The following CCBE1 variants were observed in gnomAD, a reference collection of about 807,000 sequenced individuals.
CCBE1 encodes the protein collagen and calcium-binding EGF domain-containing protein 1.
A neutral mutation model predicts 50.0 loss-of-function variants in CCBE1; 37 were observed. The ratio of observed to expected loss-of-function variants is 0.74; its 90% CI spans 0.57 to 0.97. The LOEUF (loss-of-function observed/expected upper bound fraction) is 0.97. Ranked by LOEUF, CCBE1 falls within the 50% of genes least tolerant of loss-of-function variation. CCBE1 has a pLI of 0.00. For synonymous variants in CCBE1, 234 were observed against 203.7 expected (o/e 1.15, Z -1.27); for missense variants, 538 against 523.8 (o/e 1.03, Z -0.26).
chr18:59,579,602 G>C (rs1049204510), intron 2 of CCBE1, among the ~76,000 whole-genome samples: 1 of 152,174 alleles, frequency 6.6e-6, no homozygotes, highest in South Asian at 2.1e-4. Context: ...TATGACAACG[G>C]TTCTACATCA....
chr18:59,491,508 G>A (rs942246460), intron 2 of CCBE1, among the ~76,000 whole-genome samples: 10 of 152,100 alleles, frequency 6.6e-5, no homozygotes, highest in Non-Finnish European at 1.3e-4. Flanking sequence ...ATTATATTTT[G>A]AAACTAATAG....
At chr18:59,445,992 C>A (rs370963494) in intron 7 of CCBE1, among the ~76,000 whole-genome samples, 1 of 152,184 alleles carries the variant, frequency 6.6e-6, no homozygotes, top group East Asian at 1.9e-4. Flanking sequence ...GGCCTCGGAA[C>A]TGGACTTTTA....
intron 2 of CCBE1, among the ~76,000 whole-genome samples, chr18:59,562,326 A>C (rs1348653037): frequency 1.3e-5 from 2 of 152,176 alleles, no homozygotes; most frequent in Non-Finnish European, 2.9e-5. Context: ...TTAGATTATT[A>C]ACTAAGAAAT....
chr18:59,629,218 G>A (rs1346894869), intron 2 of CCBE1, among the ~76,000 whole-genome samples: 2 of 152,116 alleles, frequency 1.3e-5, no homozygotes. Context: ...CTAACTAAAG[G>A]CCATTGCACT....
At chr18:59,483,288 A>G (rs1912662614) in intron 2 of CCBE1, among the ~76,000 whole-genome samples, 1 of 152,216 alleles carries the variant, frequency 6.6e-6, no homozygotes, top group South Asian at 2.1e-4. Context: ...GCAAATTAGT[A>G]TAATCTGATT....
At chr18:59,655,085 C>CA (rs10646215) in intron 2 of CCBE1, among the ~76,000 whole-genome samples, 23,517 of 122,564 alleles carry the variant, frequency 0.19, 2,570 homozygotes, top group Admixed American at 0.28. Flanking sequence ...GAGACTATGT[C>CA]AAAAAAAAAA....
At chr18:59,600,008 A>T (rs2053409065) in intron 2 of CCBE1, among the ~76,000 whole-genome samples, 1 of 151,970 alleles carries the variant, frequency 6.6e-6, no homozygotes, top group Non-Finnish European at 1.5e-5. Context: ...TTCCAACAAA[A>T]CTTTTGCGTC....
chr18:59,527,287 G>A (rs557392333), intron 2 of CCBE1, among the ~76,000 whole-genome samples: 23 of 152,096 alleles, frequency 1.5e-4, no homozygotes, highest in African/African-American at 5.5e-4. Context: ...ATCTCTGTTG[G>A]TTTGAAGTCT....
chr18:59,679,120 C>A (rs1274963842), intron 2 of CCBE1, among the ~76,000 whole-genome samples: 1 of 152,126 alleles, frequency 6.6e-6, no homozygotes, highest in Non-Finnish European at 1.5e-5. Context: ...GTTTCTGAAT[C>A]CAAAGCAGTT....
At chr18:59,455,750 CTGCCAAGGTCTG>C (rs1322890066) in intron 5 of CCBE1, among the ~76,000 whole-genome samples, 1 of 152,228 alleles carries the variant, frequency 6.6e-6, no homozygotes, top group East Asian at 1.9e-4. Flanking sequence ...CTTGCACAGA[CTGCCAAGGTCTG>C]TGCCAAAGGT....
chr18:59,697,267 G>A lies in CCBE1; in HGVS notation c.76C>T (p.Leu26Phe). ...LGRSLGPLLL[L>F]LALGHTWTYR... ...GTCCACGTGTGTCCCAACGCCAGGA[G>A]CAGCAGCAGCGGACCCAGGCTCCTG... Residue 26 changes from leucine to phenylalanine, a missense_variant, in exon 1 of 11, where the codon CTC (leucine) becomes TTC (phenylalanine). Leu to Phe is a conservative substitution (Grantham distance 22, BLOSUM62 0). Coordinates refer to ENST00000439986, the MANE Select transcript of CCBE1 (RefSeq NM_133459.4). The A allele has an allele frequency of 6.5e-7, 1 of 1,549,262 alleles. No homozygotes were observed. Among genetic ancestry groups the A allele is most frequent in the East Asian group, 2.4e-5 (1 of 40,908 alleles).
At chr18:59,532,493 C>T (rs1490306345) in intron 2 of CCBE1, among the ~76,000 whole-genome samples, 2 of 152,240 alleles carry the variant, frequency 1.3e-5, no homozygotes, top group African/African-American at 4.8e-5. Context: ...AGGCCGCTGG[C>T]TGTGAAGGCT....
chr18:59,543,330 A>C (rs1269182490), intron 2 of CCBE1, among the ~76,000 whole-genome samples: 3 of 152,214 alleles, frequency 2.0e-5, no homozygotes, highest in Admixed American at 6.5e-5. Context: ...TATTTAGGGA[A>C]AGTTTTCAGT....
At chr18:59,660,254 T>C (rs2054264609) in intron 2 of CCBE1, among the ~76,000 whole-genome samples, 1 of 152,032 alleles carries the variant, frequency 6.6e-6, no homozygotes, top group Admixed American at 6.6e-5. Context: ...ACAAACCTTT[T>C]CACAAACACA....
At chr18:59,478,679 T>A (rs1912426720) in intron 3 of CCBE1, among the ~76,000 whole-genome samples, 1 of 152,230 alleles carries the variant, frequency 6.6e-6, no homozygotes, top group Admixed American at 6.5e-5. Flanking sequence ...CCATGCAATG[T>A]GTTTTTAATT....
intron 2 of CCBE1, among the ~76,000 whole-genome samples, chr18:59,692,490 C>G (rs1345196601): frequency 3.9e-5 from 6 of 152,116 alleles, no homozygotes; most frequent in Non-Finnish European, 7.4e-5. Flanking sequence ...AGCCCACTCC[C>G]CCGCCATGGG....
rs189026964 is a variant in CCBE1 at position 59,468,201 on chromosome 18, T to C, written c.400+1272A>G. On this transcript the variant is annotated intron_variant, in intron 4 of 10. Coordinates refer to ENST00000439986, the MANE Select transcript of CCBE1 (RefSeq NM_133459.4). ...GAGTTCCAGGCCAGACTGAGCAACA[T>C]AGTAAAATCCCATCTCTATAAAATA... is the stretch of plus-strand genomic sequence containing the variant. Among the ~76,000 whole-genome samples the C allele has an allele frequency of 1.1e-4, 16 of 152,076 alleles. 1 individual carries two copies. In the East Asian group the frequency reaches 2.9e-3, roughly 28 times the overall value.
At chr18:59,570,954 G>A (rs1429227451) in intron 2 of CCBE1, among the ~76,000 whole-genome samples, 3 of 152,174 alleles carry the variant, frequency 2.0e-5, no homozygotes, top group African/African-American at 7.2e-5. Context: ...TCCTTCAGCT[G>A]GGAGCCATAT....
At chr18:59,473,988 TTG>T (rs369828836) in intron 3 of CCBE1, among the ~76,000 whole-genome samples, 101 of 152,334 alleles carry the variant, frequency 6.6e-4, no homozygotes, top group African/African-American at 2.3e-3. Flanking sequence ...CATGTGGTAC[TTG>T]TGTTTTTCTC....
Sources: gnomAD v4.1 joint callset for allele counts (sites outside exome capture counted in the v4.1 genomes callset) on GRCh38, gnomAD v4.1.1 for gene constraint, MANE v1.5 for transcripts, NCBI Gene and HGNC (gene_info 2026-07-23, HGNC 2026-07-21) for gene names.